Variants in CHD1 observed in about 807,000 individuals in gnomAD.
CHD1 encodes chromodomain helicase DNA binding protein 1, also known as ATP-dependent chromatin remodeler CHD1.
A neutral mutation model predicts 224.2 loss-of-function variants in CHD1; 36 were observed. That is an observed-to-expected ratio of 0.16 (90% confidence interval 0.12 to 0.21). The LOEUF (loss-of-function observed/expected upper bound fraction) is 0.21. Ranked by LOEUF, CHD1 falls within the 10% of genes least tolerant of loss-of-function variation. The probability of loss-of-function intolerance (pLI) is 1.00; values close to 1 mark genes in which losing one functional copy is unlikely to be tolerated. For synonymous variants in CHD1, 668 were observed against 658.3 expected (o/e 1.01, Z -0.23); for missense variants, 1,378 against 1,994.8 (o/e 0.69, Z 5.89).
chr5:98,925,488 C>T (rs1352397976), intron 2 of CHD1, among the ~76,000 whole-genome samples: 1 of 152,154 alleles, frequency 6.6e-6, no homozygotes, highest in East Asian at 1.9e-4. Context: ...CCCTAATTCA[C>T]ACAACTAATA....
chr5:98,923,200 G>A (rs1332725038), intron 2 of CHD1, among the ~76,000 whole-genome samples: 2 of 151,992 alleles, frequency 1.3e-5, no homozygotes, highest in African/African-American at 2.4e-5. Flanking sequence ...TATAGCAGCG[G>A]TAAGAAAGAA....
At chr5:98,911,143 AAAAATATATATATATATAT>A (rs1432097609) in intron 2 of CHD1, among the ~76,000 whole-genome samples, 16 of 112,572 alleles carry the variant, frequency 1.4e-4, no homozygotes, top group Non-Finnish European at 2.7e-4. Flanking sequence ...AAAAAAAAAA[AAAAATATATATATATATAT>A]ATATATATAT....
chr5:98,873,110 G>A (rs762194212), intron 26 of CHD1, among the ~76,000 whole-genome samples: 1 of 152,082 alleles, frequency 6.6e-6, no homozygotes, highest in Non-Finnish European at 1.5e-5. Context: ...TTACAGGTGT[G>A]AGCCACTATG....
At chr5:98,905,186 A>G in intron 2 of CHD1, 88 bp from the exon 3 acceptor site, 1 of 1,449,640 alleles carries the variant, frequency 6.9e-7, no homozygotes, top group Non-Finnish European at 9.4e-7. Context: ...AAATCATTAA[A>G]TTTTACTTCA....
intron 32 of CHD1, among the ~76,000 whole-genome samples, chr5:98,862,860 G>T (rs1222200094): frequency 6.6e-6 from 1 of 152,132 alleles, no homozygotes; most frequent in Non-Finnish European, 1.5e-5. Context: ...AAATGTAAAA[G>T]ATAGAAGCCA....
intron 2 of CHD1, among the ~76,000 whole-genome samples, chr5:98,906,695 T>C (rs1204889273): frequency 6.6e-6 from 1 of 152,216 alleles, no homozygotes; most frequent in African/African-American, 2.4e-5. Flanking sequence ...TTTGGTACAG[T>C]AGTCAGAAAA....
intron 19 of CHD1, 90 bp from the exon 20 acceptor site, chr5:98,882,213 G>A: frequency 9.2e-7 from 1 of 1,081,292 alleles, no homozygotes. Context: ...ACAAATTGAA[G>A]CTCATTCTAT....
At position 98,875,957 on chromosome 5, in the gene CHD1, C is replaced by T. The variant is rs1749717376; in HGVS notation, c.3398+441G>A. 2.6e-5 allele frequency among the ~76,000 whole-genome samples: 4 copies of T among 152,116 alleles called. No homozygotes were observed. In the South Asian group the frequency reaches 8.3e-4, roughly 31 times the overall value. ...CAATCTTACCTCATCTCAATTCCTA[C>T]TTGAACATATCAGAAATGCTTTTAA... On this transcript the variant is annotated intron_variant, in intron 24 of 35. Transcript: ENST00000614616.
intron 2 of CHD1, among the ~76,000 whole-genome samples, chr5:98,924,265 GA>G (rs541267307): frequency 3.4e-5 from 5 of 147,866 alleles, no homozygotes; most frequent in African/African-American, 7.5e-5. Flanking sequence ...GAAAAGAAAA[GA>G]AAAAAAAAAT....
intron 1 of CHD1, among the ~76,000 whole-genome samples, chr5:98,927,342 G>A (rs1253623395): frequency 6.6e-6 from 1 of 152,086 alleles, no homozygotes; most frequent in East Asian, 1.9e-4. Flanking sequence ...GCAGGGGAGG[G>A]AGAGGAAGAA....
At chr5:98,861,029 A>T (rs979485780) in intron 32 of CHD1, among the ~76,000 whole-genome samples, 1 of 152,178 alleles carries the variant, frequency 6.6e-6, no homozygotes, top group African/African-American at 2.4e-5. Context: ...CAAAAAATCT[A>T]GTCAGGAATC....
intron 32 of CHD1, among the ~76,000 whole-genome samples, chr5:98,862,967 T>C (rs1315896022): frequency 1.3e-5 from 2 of 152,184 alleles, no homozygotes; most frequent in East Asian, 3.8e-4. Flanking sequence ...ACATTACCTT[T>C]ATTTTCCTAA....
chr5:98,920,537 C>G (rs1188432494), intron 2 of CHD1, among the ~76,000 whole-genome samples: 1 of 152,184 alleles, frequency 6.6e-6, no homozygotes, highest in Non-Finnish European at 1.5e-5. Context: ...GCTCACACAC[C>G]TGTAATCCCA....
intron 5 of CHD1, among the ~76,000 whole-genome samples, chr5:98,902,360 T>C (rs1003674483): frequency 2.6e-5 from 4 of 151,872 alleles, no homozygotes; most frequent in Admixed American, 1.3e-4. Flanking sequence ...CAAAGGCAAA[T>C]AGGAAAATAA....
chr5:98,873,559 C>A (rs1749524556), intron 26 of CHD1, 34 bp downstream of exon 26: 1 of 1,501,074 alleles, frequency 6.7e-7, no homozygotes, highest in African/African-American at 1.4e-5. Flanking sequence ...CTTTCATTTA[C>A]TTCTCTTTTA....
intron 23 of CHD1, 100 bp from the exon 24 acceptor site, chr5:98,876,658 T>C (rs1451595605): frequency 2.9e-6 from 3 of 1,025,574 alleles, no homozygotes; most frequent in African/African-American, 1.6e-5. Context: ...AAAAATGTTA[T>C]TAAATGTATC....
intron 2 of CHD1, among the ~76,000 whole-genome samples, chr5:98,925,084 T>A (rs1018969847): frequency 2.0e-5 from 3 of 152,154 alleles, no homozygotes; most frequent in Non-Finnish European, 4.4e-5. Context: ...TTGCCAAAAC[T>A]TTCCTGTTTC....
intron 13 of CHD1, 27 bp downstream of exon 13, chr5:98,894,570 C>A (rs375012339): frequency 2.1e-6 from 2 of 944,040 alleles, no homozygotes; most frequent in Non-Finnish European, 3.2e-6. Context: ...TACAAGAGAC[C>A]AAAACACGTG....
At chr5:98,891,979 TATAA>T (rs200360074) in intron 15 of CHD1, among the ~76,000 whole-genome samples, 319 of 152,362 alleles carry the variant, frequency 2.1e-3, no homozygotes, top group East Asian at 0.016. Context: ...TACCATAGAA[TATAA>T]ATGTTTCTGA....
Sources: allele counts gnomAD v4.1 joint callset (sites outside exome capture counted in the v4.1 genomes callset), GRCh38; gene constraint gnomAD v4.1.1; transcripts MANE v1.5; gene names NCBI Gene and HGNC (gene_info 2026-07-23, HGNC 2026-07-21).